The following PRH1 variants were observed in gnomAD, a reference collection of about 807,000 sequenced individuals.
The protein encoded by PRH1 is salivary acidic proline-rich phosphoprotein 1/2.
In PRH1, 7 loss-of-function variants were observed where a neutral mutation model predicts 7.9. That is an observed-to-expected ratio of 0.89 (90% CI 0.50 to 1.67). The LOEUF (loss-of-function observed/expected upper bound fraction) is 1.67, where lower values mean the gene tolerates loss of function less well. Ranked by LOEUF, PRH1 falls within the 40% of genes most tolerant of loss-of-function variation. PRH1 has a pLI of 0.00. For synonymous variants in PRH1, 45 were observed against 80.8 expected, an observed-to-expected ratio of 0.56 and a Z score of 2.38; for missense variants, 109 against 223.6, an observed-to-expected ratio of 0.49 and a Z score of 3.27.
intron 2 of PRH1, among the ~76,000 whole-genome samples, chr12:10,954,350 G>A (rs1049185802): frequency 7.2e-5 from 11 of 152,202 alleles, no homozygotes; most frequent in African/African-American, 2.2e-4. Context: ...CAATGGTATA[G>A]TGTCTTCAAG....
intron 1 of PRH1, among the ~76,000 whole-genome samples, chr12:11,150,571 C>T (rs1947045214): frequency 6.6e-6 from 1 of 151,656 alleles, no homozygotes; most frequent in Non-Finnish European, 1.5e-5. Flanking sequence ...ATGGCAAGGA[C>T]AAAAAACCAA....
At chr12:10,881,241 T>A (rs1184885967) in intron 3 of PRH1, among the ~76,000 whole-genome samples, 185 bp from the exon 4 acceptor site, 1 of 152,218 alleles carries the variant, frequency 6.6e-6, no homozygotes, top group Non-Finnish European at 1.5e-5. Context: ...CCATTGCACA[T>A]AATGTGATTT....
At chr12:11,021,049 G>T (rs1475898499) in intron 1 of PRH1, among the ~76,000 whole-genome samples, 1 of 152,058 alleles carries the variant, frequency 6.6e-6, no homozygotes, top group Non-Finnish European at 1.5e-5. Flanking sequence ...ATTAAATCTA[G>T]TATTCTTTAG....
upstream of PRH1, chr12:11,048,933 G>C (rs1020559335): frequency 2.5e-4 from 70 of 282,302 alleles, 1 homozygote; most frequent in Non-Finnish European, 7.9e-5. Flanking sequence ...TGGCAGTCTT[G>C]AGCAAATGAA....
chr12:11,099,400 T>C (rs1945164859), intron 1 of PRH1, among the ~76,000 whole-genome samples: 1 of 151,946 alleles, frequency 6.6e-6, no homozygotes, highest in Non-Finnish European at 1.5e-5. Context: ...CCATCTCAAA[T>C]CACCAGAGCC....
At chr12:10,948,533 T>A (rs1286488320) in intron 2 of PRH1, among the ~76,000 whole-genome samples, 1 of 152,198 alleles carries the variant, frequency 6.6e-6, no homozygotes, top group Non-Finnish European at 1.5e-5. Flanking sequence ...CTGTATCACA[T>A]TATTGTGATT....
intron 1 of PRH1, among the ~76,000 whole-genome samples, chr12:11,010,986 G>GT (rs1941044830): frequency 6.6e-6 from 1 of 151,742 alleles, no homozygotes; most frequent in African/African-American, 2.4e-5. Context: ...AAATGAATTT[G>GT]AGAAATTATG....
At chr12:11,132,080 T>C (rs534976357) in intron 1 of PRH1, among the ~76,000 whole-genome samples, 3 of 152,332 alleles carry the variant, frequency 2.0e-5, no homozygotes, top group South Asian at 2.1e-4. Flanking sequence ...CTGAACAACA[T>C]TGTTAAAATT....
intron 1 of PRH1, among the ~76,000 whole-genome samples, chr12:11,012,205 G>A (rs1208466126): frequency 6.6e-6 from 1 of 152,024 alleles, no homozygotes; most frequent in Non-Finnish European, 1.5e-5. Context: ...AATGGTTTAA[G>A]ATGAATAGAT....
At chr12:11,121,544 T>C (rs546566401) in intron 1 of PRH1, among the ~76,000 whole-genome samples, 2 of 152,226 alleles carry the variant, frequency 1.3e-5, no homozygotes, top group East Asian at 3.9e-4. Flanking sequence ...GTGGAAGAAA[T>C]CTCTTTTCTA....
At chr12:11,115,670 C>A (rs570847860) in intron 1 of PRH1, among the ~76,000 whole-genome samples, 21 of 151,976 alleles carry the variant, frequency 1.4e-4, no homozygotes, top group Non-Finnish European at 1.3e-4. Context: ...TTGAACAATC[C>A]AAAAAATTGA....
intron 1 of PRH1, chr12:11,030,266 A>T (rs1591843734): frequency 4.4e-6 from 6 of 1,355,402 alleles, no homozygotes; most frequent in Non-Finnish European, 5.8e-6. Flanking sequence ...GACTAATATT[A>T]GGTCAAAGGC....
chr12:10,882,589 C>A lies in PRH1; in HGVS notation c.210G>T (p.Gln70His). 1 of 1,608,148 alleles carries A rather than the reference C, an allele frequency of 6.2e-7. No individual in the cohort carries two copies. The highest frequency in any genetic ancestry group is 8.5e-7 in the Non-Finnish European group (1 of 1,178,056). ...GGCCTCCTTGTTGGGGTGGTCCCTGCTGAGGGCCATCATCCTGGTTCCCAT... is the reference window on the plus strand; with the variant it reads ...GGCCTCCTTGTTGGGGTGGTCCCTGATGAGGGCCATCATCCTGGTTCCCAT... ...AGDGNQDDGP[Q>H]QGPPQQGGQQ... The change falls in exon 3 of 4, where the codon CAG becomes CAT. Residue 70 changes from glutamine (Q) to histidine (H), a missense_variant. Around this residue, in one of 3 missense-constraint regions of PRH1, gnomAD observed 4 missense variants for 58.3 expected, o/e 0.07. Coordinates refer to ENST00000543626, the MANE Select transcript of PRH1 (RefSeq NM_001393989.1).
At chr12:11,053,333 T>C (rs1943232152) in intron 1 of PRH1, among the ~76,000 whole-genome samples, 1 of 152,270 alleles carries the variant, frequency 6.6e-6, no homozygotes, top group South Asian at 2.1e-4. Flanking sequence ...TTCTGTTTGA[T>C]TTATTTAGCC....
At chr12:11,000,568 C>G (rs1156672408) in intron 1 of PRH1, among the ~76,000 whole-genome samples, 3 of 152,048 alleles carry the variant, frequency 2.0e-5, no homozygotes, top group Admixed American at 6.6e-5. Flanking sequence ...GTTATCTTGT[C>G]TGACCTTTGA....
intron 2 of PRH1, among the ~76,000 whole-genome samples, chr12:10,957,378 T>C (rs1350906815): frequency 1.3e-5 from 2 of 152,178 alleles, no homozygotes; most frequent in African/African-American, 2.4e-5. Context: ...AGATGGAAAC[T>C]GGACACCTTT....
chr12:10,965,316 C>G, intron 2 of PRH1: 1 of 1,312,696 alleles, frequency 7.6e-7, no homozygotes, highest in Non-Finnish European at 1.0e-6. Flanking sequence ...GTAACCACTA[C>G]TAGAATGGAA....
At chr12:11,006,537 C>G (rs965220381) in intron 1 of PRH1, among the ~76,000 whole-genome samples, 1 of 151,874 alleles carries the variant, frequency 6.6e-6, no homozygotes, top group African/African-American at 2.4e-5. Context: ...CATGCACCAC[C>G]AAGCCTGCTA....
chr12:10,986,558 G>T, intron 1 of PRH1: 1 of 1,614,066 alleles, frequency 6.2e-7, no homozygotes, highest in Non-Finnish European at 8.5e-7. Context: ...ATATGCTGAG[G>T]TTAGCAGCAA....
Sources: allele counts gnomAD v4.1 joint callset (sites outside exome capture counted in the v4.1 genomes callset), GRCh38; gene constraint gnomAD v4.1.1; regional missense constraint gnomAD v4.1.1; transcripts MANE v1.5; gene names NCBI Gene and HGNC (gene_info 2026-07-23, HGNC 2026-07-21).